PXDNL: variants seen among roughly 807,000 people sequenced by gnomAD.
PXDNL encodes the protein probable oxidoreductase PXDNL.
PXDNL carries 145 observed loss-of-function variants against 150.8 expected under a neutral mutation model. The observed-to-expected ratio is 0.96, with a 90% CI of 0.84 to 1.10. The LOEUF (loss-of-function observed/expected upper bound fraction) is 1.10. PXDNL is among the 50% of genes least tolerant of loss of function. The pLI, the probability that PXDNL is intolerant of heterozygous loss-of-function variation, is 0.00. For missense variants in PXDNL, 2,087 were observed against 1,873.9 expected, an observed-to-expected ratio of 1.11 and a Z score of -2.10; for synonymous variants, 757 against 725.7, an observed-to-expected ratio of 1.04 and a Z score of -0.69.
At chr8:51,367,588 T>TATGG (rs1563376898) in intron 19 of PXDNL, among the ~76,000 whole-genome samples, 1 of 152,210 alleles carries the variant, frequency 6.6e-6, no homozygotes, top group Non-Finnish European at 1.5e-5. Context: ...GAACCTAGCC[T>TATGG]ATGGACATAT....
intron 17 of PXDNL, among the ~76,000 whole-genome samples, chr8:51,376,945 C>G (rs1361936438): frequency 6.6e-6 from 1 of 152,114 alleles, no homozygotes; most frequent in African/African-American, 2.4e-5. Context: ...GTCTCGATCT[C>G]CTGACCTCCT....
intron 7 of PXDNL, among the ~76,000 whole-genome samples, chr8:51,474,089 T>A (rs1464720155): frequency 6.6e-6 from 1 of 152,192 alleles, no homozygotes; most frequent in Non-Finnish European, 1.5e-5. Flanking sequence ...CTTGTCAATT[T>A]GAATATAAAT....
intron 3 of PXDNL, 134 bp from the exon 4 acceptor site, chr8:51,557,045 T>C (rs527585000): frequency 3.4e-6 from 2 of 594,692 alleles, no homozygotes; most frequent in African/African-American, 3.7e-5. Context: ...TAACAATATA[T>C]AGAAACTGTT....
chr8:51,500,029 G>A (rs1013545722), intron 4 of PXDNL, among the ~76,000 whole-genome samples: 2 of 152,038 alleles, frequency 1.3e-5, no homozygotes, highest in African/African-American at 4.8e-5. Flanking sequence ...TTCCCAGGGA[G>A]CCTCTTGAGT....
At chr8:51,369,308 A>G (rs1023091819) in intron 19 of PXDNL, among the ~76,000 whole-genome samples, 28 of 152,228 alleles carry the variant, frequency 1.8e-4, no homozygotes, top group African/African-American at 6.0e-4. Flanking sequence ...GCCACAGTCT[A>G]GAAACTAGTT....
At chr8:51,581,123 G>A (rs909377812) in intron 3 of PXDNL, among the ~76,000 whole-genome samples, 8 of 152,068 alleles carry the variant, frequency 5.3e-5, no homozygotes, top group Admixed American at 1.3e-4. Flanking sequence ...TGAGAAAAAC[G>A]TCTGGAGGAA....
intron 4 of PXDNL, among the ~76,000 whole-genome samples, chr8:51,550,878 CGTT>C (rs1015120938): frequency 1.4e-4 from 21 of 152,134 alleles, no homozygotes; most frequent in African/African-American, 5.1e-4. Context: ...GTCAAACTGT[CGTT>C]GTTCACCAAT....
intron 17 of PXDNL, among the ~76,000 whole-genome samples, chr8:51,402,800 C>T (rs1345986658): frequency 1.3e-5 from 2 of 152,036 alleles, no homozygotes; most frequent in Non-Finnish European, 2.9e-5. Flanking sequence ...GGTGTAATCA[C>T]GCCTGTAATC....
chr8:51,486,181 C>A (rs1023937114), intron 5 of PXDNL, among the ~76,000 whole-genome samples: 1 of 152,094 alleles, frequency 6.6e-6, no homozygotes, highest in South Asian at 2.1e-4. Flanking sequence ...CCAATCCAAG[C>A]AGACCAGAAT....
chr8:51,501,618 A>G (rs1393634965), intron 4 of PXDNL, among the ~76,000 whole-genome samples: 1 of 152,048 alleles, frequency 6.6e-6, no homozygotes, highest in Non-Finnish European at 1.5e-5. Context: ...TCACACTGTC[A>G]TGCTCACACT....
intron 1 of PXDNL, among the ~76,000 whole-genome samples, chr8:51,779,393 C>T (rs1188731580): frequency 6.6e-6 from 1 of 152,174 alleles, no homozygotes; most frequent in African/African-American, 2.4e-5. Context: ...ATCCAAACAA[C>T]CTGTCACAAA....
chr8:51,799,484 G>A lies in PXDNL; in HGVS notation c.164+9697C>T, dbSNP rs116196676. ...ATTACTATAACCAACATTGGGAAGTGTAAAAATATAATAATTGATTGTTGT... is the reference window on the plus strand; with the variant it reads ...ATTACTATAACCAACATTGGGAAGTATAAAAATATAATAATTGATTGTTGT... On this transcript the variant is annotated intron_variant, in intron 1 of 22. Coordinates refer to ENST00000356297, the MANE Select transcript of PXDNL (RefSeq NM_144651.5). Among the ~76,000 whole-genome samples, 354 of 152,322 alleles carry A rather than the reference G, an allele frequency of 2.3e-3. 1 individual carries two copies. The highest frequency in any genetic ancestry group is 7.9e-3 in the African/African-American group (330 of 41,568).
At position 51,577,606 on chromosome 8, in the gene PXDNL, A is replaced by ATATATGTG. The variant is rs543052856; in HGVS notation, c.308+15020_308+15021insCACATATA. Among the ~76,000 whole-genome samples the ATATATGTG allele has an allele frequency of 4.4e-4, 65 of 147,596 alleles. 1 individual carries two copies. The highest frequency in any genetic ancestry group is 1.6e-3 in the African/African-American group (65 of 40,588). ...TCTATCTATCTACATATATATATAT[A>ATATATGTG]TATAATCAGGCTAAAAAAGAAGTTA... is the stretch of plus-strand genomic sequence containing the variant. On this transcript the variant is annotated intron_variant, in intron 3 of 22. Coordinates refer to ENST00000356297, the MANE Select transcript of PXDNL (RefSeq NM_144651.5).
At chr8:51,472,069 T>C (rs544262698) in intron 8 of PXDNL, 118 bp downstream of exon 8, 2 of 625,526 alleles carry the variant, frequency 3.2e-6, no homozygotes, top group East Asian at 2.7e-5. Context: ...GCATTTTATC[T>C]TTAAGAAACT....
At chr8:51,371,725 T>C in intron 19 of PXDNL, 148 bp downstream of exon 19, 1 of 717,448 alleles carries the variant, frequency 1.4e-6, no homozygotes, top group Non-Finnish European at 2.3e-6. Flanking sequence ...CACCCCTTCA[T>C]CATCTGTCAG....
chr8:51,615,302 G>GTT (rs199576127), intron 2 of PXDNL, among the ~76,000 whole-genome samples: 1 of 144,286 alleles, frequency 6.9e-6, no homozygotes. Flanking sequence ...AAGCTGACTT[G>GTT]TTTTTTTTTT....
At chr8:51,377,661 G>C (rs952430292) in intron 17 of PXDNL, among the ~76,000 whole-genome samples, 1 of 152,238 alleles carries the variant, frequency 6.6e-6, no homozygotes, top group Non-Finnish European at 1.5e-5. Flanking sequence ...TAGCACCTGG[G>C]CCAGCAGCTG....
intron 1 of PXDNL, among the ~76,000 whole-genome samples, chr8:51,808,824 G>A (rs2037705085): frequency 6.6e-6 from 1 of 152,156 alleles, no homozygotes; most frequent in Non-Finnish European, 1.5e-5. Flanking sequence ...GCAGACACGT[G>A]CTGACCAATT....
intron 14 of PXDNL, among the ~76,000 whole-genome samples, chr8:51,419,293 C>T (rs1808884511): frequency 6.6e-6 from 1 of 152,142 alleles, no homozygotes; most frequent in Non-Finnish European, 1.5e-5. Flanking sequence ...GTCACCTTTG[C>T]ATTTTTCACT....
Sources: allele counts gnomAD v4.1 joint callset (sites outside exome capture counted in the v4.1 genomes callset), GRCh38; gene constraint gnomAD v4.1.1; transcripts MANE v1.5; gene names NCBI Gene and HGNC (gene_info 2026-07-23, HGNC 2026-07-21).